Variants in DCTD observed in about 807,000 individuals in gnomAD.
DCTD encodes deoxycytidylate deaminase.
A neutral mutation model predicts 21.0 loss-of-function variants in DCTD; 23 were observed. The observed-to-expected ratio is 1.09, with a 90% CI of 0.79 to 1.55. The LOEUF is 1.55. Among genes scored for constraint, DCTD ranks in the 40% most tolerant of loss-of-function variants. DCTD has a pLI of 0.00. For missense variants in DCTD, 224 were observed against 230.0 expected (o/e 0.97, Z 0.17); for synonymous variants, 71 against 81.1 (o/e 0.88, Z 0.67).
At chr4:182,909,431 A>G (rs1220678511) in intron 3 of DCTD, among the ~76,000 whole-genome samples, 4 of 152,222 alleles carry the variant, frequency 2.6e-5, no homozygotes, top group Non-Finnish European at 4.4e-5. Context: ...TCCATTGATT[A>G]TAACAGTAGT....
intron 3 of DCTD, among the ~76,000 whole-genome samples, chr4:182,908,495 A>G (rs962688871): frequency 4.6e-5 from 7 of 152,074 alleles, no homozygotes; most frequent in African/African-American, 1.7e-4. Flanking sequence ...CAGCCTGGCC[A>G]ACATGGTGAA....
At chr4:182,895,072 G>A (rs116245889) in intron 3 of DCTD, among the ~76,000 whole-genome samples, 2,032 of 152,286 alleles carry the variant, frequency 0.013, 23 homozygotes, top group Non-Finnish European at 0.02. Flanking sequence ...GCCCACATAC[G>A]CACAAGGAAA....
intron 3 of DCTD, among the ~76,000 whole-genome samples, chr4:182,906,497 G>A (rs13131376): frequency 0.048 from 7,368 of 152,226 alleles, 261 homozygotes; most frequent in South Asian, 0.1. Context: ...ATGACCACAT[G>A]TGATGGTGTC....
chr4:182,915,420 G>A, intron 2 of DCTD, 41 bp downstream of exon 2: 1 of 1,287,942 alleles, frequency 7.8e-7, no homozygotes, highest in Non-Finnish European at 1.1e-6. Context: ...TAATCTCTTT[G>A]CCTGTGAGTA....
At chr4:182,907,441 T>A (rs148226738) in intron 3 of DCTD, among the ~76,000 whole-genome samples, 101 of 152,310 alleles carry the variant, frequency 6.6e-4, no homozygotes, top group South Asian at 2.5e-3. Context: ...TCAGCTAGGA[T>A]CTTTTTCTTT....
rs368509793 is a variant in DCTD, at chr4:182,901,480, G to A, written c.245-6875C>T. Among the ~76,000 whole-genome samples, 3 of 152,322 alleles carry A rather than the reference G, an allele frequency of 2.0e-5. No individual in the cohort carries two copies. The South Asian group carries it at 6.2e-4, about 32-fold the overall frequency. On this transcript the variant is annotated intron_variant, in intron 3 of 5. Coordinates refer to ENST00000438320, the MANE Select transcript of DCTD (RefSeq NM_001921.3). ...AGCTGACCTGAACAGGTGGCAGCCT[G>A]GTGTGGTGGCTCCCGCTAGGACCGG...
intron 3 of DCTD, among the ~76,000 whole-genome samples, chr4:182,899,399 C>CTTTTTTTTT (rs548073020): frequency 1.4e-5 from 2 of 144,326 alleles, no homozygotes; most frequent in Non-Finnish European, 1.5e-5. Context: ...CCTTTTTTTT[C>CTTTTTTTTT]TTTTTCTTTT....
chr4:182,899,480 C>T (rs1288952802), intron 3 of DCTD, among the ~76,000 whole-genome samples: 1 of 151,182 alleles, frequency 6.6e-6, no homozygotes, highest in Non-Finnish European at 1.5e-5. Flanking sequence ...TCACTGCAAC[C>T]TCTGCCTACC....
At chr4:182,898,617 C>T (rs988311738) in intron 3 of DCTD, among the ~76,000 whole-genome samples, 34 of 152,126 alleles carry the variant, frequency 2.2e-4, no homozygotes, top group Non-Finnish European at 4.4e-5. Context: ...GCTCCCAGCC[C>T]CTTCCTCCCT....
intron 3 of DCTD, among the ~76,000 whole-genome samples, chr4:182,905,739 C>T (rs952498883): frequency 2.0e-5 from 3 of 152,170 alleles, no homozygotes; most frequent in Admixed American, 6.5e-5. Context: ...CCACCCAGGT[C>T]GCTGGCACTG....
intron 3 of DCTD, among the ~76,000 whole-genome samples, chr4:182,900,598 TA>T (rs56147511): frequency 0.24 from 34,441 of 144,922 alleles, 4,329 homozygotes; most frequent in Non-Finnish European, 0.3. Context: ...GTCTAAATTG[TA>T]AAAAAAAAAA....
At chr4:182,901,075 C>T (rs952331744) in intron 3 of DCTD, among the ~76,000 whole-genome samples, 2 of 152,088 alleles carry the variant, frequency 1.3e-5, no homozygotes, top group African/African-American at 4.8e-5. Flanking sequence ...AAGAGTTCAG[C>T]GTTTTATAGA....
Position 182,891,402 on chromosome 4 carries a change from C to G in DCTD, c.534G>C (p.Gln178His), listed in dbSNP as rs2152853126. The change falls in exon 6 of 6, where the codon CAG becomes CAC. Residue 178 changes from glutamine (Q) to histidine (H), a missense_variant. Transcript: ENST00000438320. ...SINSRPSQKLQ is the reference protein window; with the variant it reads ...SINSRPSQKLH ...TGGAGATTGAATGAGATGTAACTCA[C>G]TGAAGCTTTTGACTCGGTCTGCTGT... 2 of 1,604,286 alleles carry G rather than the reference C, an allele frequency of 1.2e-6. No homozygotes were observed. Among genetic ancestry groups the G allele is most frequent in the Non-Finnish European group, 1.7e-6 (2 of 1,171,124 alleles).
intron 3 of DCTD, among the ~76,000 whole-genome samples, chr4:182,895,671 T>G (rs1440331505): frequency 1.3e-5 from 2 of 152,298 alleles, no homozygotes; most frequent in East Asian, 3.9e-4. Flanking sequence ...CCCAGGAGGT[T>G]TCTGGATGGC....
Position 182,917,371 on chromosome 4 carries a change from A to T in DCTD, c.-68T>A. 1 of 1,084,780 alleles carries T rather than the reference A, an allele frequency of 9.2e-7. No individual in the cohort carries two copies. 67.2% of individuals were successfully genotyped at this position (1,084,780 alleles called of 1,614,324 possible). A position where few individuals can be genotyped will look rare whatever the true frequency, so the allele number is the denominator to read the frequency against. On this transcript the variant is annotated 5_prime_UTR_variant, in exon 1 of 6. Transcript: ENST00000438320. This position sits in a 1 kb window ranked among gnomAD's most constrained non-coding sequence, Gnocchi z 4.9. ...GTCCCCGCCGCCGCCGTGCTCAGGG[A>T]AGGAAGTCGGGGGAGGAGGCGGGGC...
At chr4:182,902,858 G>A (rs1259467147) in intron 3 of DCTD, among the ~76,000 whole-genome samples, 4 of 152,216 alleles carry the variant, frequency 2.6e-5, no homozygotes, top group Non-Finnish European at 4.4e-5. Context: ...TAGGACTGCT[G>A]AAGGAGTGCT....
At chr4:182,916,572 G>A (rs953777700) in intron 1 of DCTD, 2 of 990,920 alleles carry the variant, frequency 2.0e-6, no homozygotes, top group Admixed American at 6.1e-5. Flanking sequence ...AGTGGGTGCT[G>A]GGAACCACGG....
chr4:182,916,714 G>C (rs1738798647), intron 1 of DCTD: 1 of 1,060,096 alleles, frequency 9.4e-7, no homozygotes, highest in Non-Finnish European at 1.2e-6. Flanking sequence ...TGGGGTGCTG[G>C]AGAAGTACCT....
chr4:182,916,746 G>A, intron 1 of DCTD: 1 of 1,103,680 alleles, frequency 9.1e-7, no homozygotes, highest in Non-Finnish European at 1.1e-6. Context: ...GGGAGGGGGA[G>A]CCATGGGGGG....
Sources: gnomAD v4.1 joint callset for allele counts (sites outside exome capture counted in the v4.1 genomes callset) on GRCh38, gnomAD v4.1.1 for gene constraint, Gnocchi (gnomAD v3.1) non-coding constraint, MANE v1.5 for transcripts, NCBI Gene and HGNC (gene_info 2026-07-23, HGNC 2026-07-21) for gene names.